Variants in DOCK4 observed in about 807,000 individuals in gnomAD.
The protein encoded by DOCK4 is dedicator of cytokinesis 4.
Under a neutral mutation model 268.1 loss-of-function variants are expected in DOCK4, and 97 were observed. The observed-to-expected ratio is 0.36, with a 90% CI of 0.31 to 0.43. The LOEUF (loss-of-function observed/expected upper bound fraction) is 0.43. Ranked by LOEUF, DOCK4 falls within the 20% of genes least tolerant of loss-of-function variation. The pLI is 1.00. For missense variants in DOCK4, 2,145 were observed against 2,455.7 expected (o/e 0.87, Z 2.67); for synonymous variants, 954 against 887.2 (o/e 1.08, Z -1.34).
intron 1 of DOCK4, among the ~76,000 whole-genome samples, chr7:112,027,691 G>A (rs1802925508): frequency 6.6e-6 from 1 of 152,192 alleles, no homozygotes; most frequent in Admixed American, 6.5e-5. Context: ...AAACTGGGCT[G>A]CATCAAAGAG....
chr7:111,930,815 C>T (rs1426005014), intron 12 of DOCK4, among the ~76,000 whole-genome samples: 2 of 152,222 alleles, frequency 1.3e-5, no homozygotes, highest in Non-Finnish European at 2.9e-5. Flanking sequence ...AACTTCCATT[C>T]CTCAACCAAG....
At chr7:111,738,628 A>G (rs1039277059) in intron 49 of DOCK4, among the ~76,000 whole-genome samples, 3 of 152,304 alleles carry the variant, frequency 2.0e-5, no homozygotes, top group Middle Eastern at 6.8e-3. Context: ...AGCAACTACC[A>G]TGTGTCCCTA....
intron 1 of DOCK4, among the ~76,000 whole-genome samples, chr7:112,072,548 A>G (rs547302755): frequency 1.3e-5 from 2 of 152,278 alleles, no homozygotes; most frequent in African/African-American, 4.8e-5. Context: ...CTATCATATG[A>G]CCCAGCAATC....
Position 111,822,093 on chromosome 7 carries a change from C to G in DOCK4, c.2930+269G>C, listed in dbSNP as rs1802026861. On this transcript the variant is annotated intron_variant, in intron 27 of 52. Transcript: ENST00000428084. ...GAACACTAGGAGGACATGTAAGAAA[C>G]AAATACAAGTGGTTATACAGCCTAG... 1.3e-5 allele frequency among the ~76,000 whole-genome samples: 2 copies of G among 152,076 alleles called. 1 individual carries two copies. Among genetic ancestry groups the G allele is most frequent in the South Asian group, 4.1e-4 (2 of 4,828 alleles).
At chr7:111,734,766 T>C (rs1237441105) in intron 51 of DOCK4, among the ~76,000 whole-genome samples, 1 of 152,188 alleles carries the variant, frequency 6.6e-6, no homozygotes, top group Non-Finnish European at 1.5e-5. Context: ...GAGAAGATGC[T>C]AGTGGCCTAC....
intron 1 of DOCK4, among the ~76,000 whole-genome samples, chr7:112,200,439 C>A (rs563528494): frequency 6.6e-6 from 1 of 152,164 alleles, no homozygotes; most frequent in African/African-American, 2.4e-5. Context: ...CATTCAACTT[C>A]AAAGGGTAGA....
chr7:111,826,856 C>A (rs1306028763), intron 26 of DOCK4, among the ~76,000 whole-genome samples: 1 of 152,114 alleles, frequency 6.6e-6, no homozygotes, highest in African/African-American at 2.4e-5. Flanking sequence ...AACAAACCTG[C>A]ACATGTACCA....
chr7:112,144,479 C>T (rs142624053), intron 1 of DOCK4, among the ~76,000 whole-genome samples: 1 of 152,124 alleles, frequency 6.6e-6, no homozygotes, highest in Non-Finnish European at 1.5e-5. Context: ...AAAGGCCACA[C>T]AAAAAATTGC....
At chr7:112,097,478 G>C (rs561177511) in intron 1 of DOCK4, among the ~76,000 whole-genome samples, 1 of 152,188 alleles carries the variant, frequency 6.6e-6, no homozygotes, top group Non-Finnish European at 1.5e-5. Flanking sequence ...AAGAGGCTGA[G>C]AGGCAGGAGG....
At chr7:112,153,493 A>G (rs1816296635) in intron 1 of DOCK4, among the ~76,000 whole-genome samples, 1 of 152,204 alleles carries the variant, frequency 6.6e-6, no homozygotes, top group East Asian at 1.9e-4. Context: ...TTAAAATTGG[A>G]CAAATATAAT....
intron 1 of DOCK4, among the ~76,000 whole-genome samples, chr7:112,184,363 A>C (rs1819308022): frequency 6.6e-6 from 1 of 152,138 alleles, no homozygotes. Context: ...TATGATCTGC[A>C]GGCACCTCTT....
chr7:112,134,682 C>G (rs1814151065), intron 1 of DOCK4, among the ~76,000 whole-genome samples: 1 of 152,170 alleles, frequency 6.6e-6, no homozygotes, highest in Admixed American at 6.5e-5. Flanking sequence ...CGCCACTGCA[C>G]TCCAGCCTGG....
At chr7:112,085,956 T>C (rs566978673) in intron 1 of DOCK4, among the ~76,000 whole-genome samples, 48 of 152,202 alleles carry the variant, frequency 3.2e-4, no homozygotes, top group South Asian at 8.3e-4. Context: ...CCTTGAAACA[T>C]TGTAATATGG....
intron 23 of DOCK4, among the ~76,000 whole-genome samples, chr7:111,855,357 G>A (rs186463025): frequency 2.6e-5 from 4 of 152,260 alleles, no homozygotes; most frequent in East Asian, 3.9e-4. Context: ...ACAGAGGCAC[G>A]TGAGGTTTCT....
At chr7:112,054,381 A>G (rs920695501) in intron 1 of DOCK4, among the ~76,000 whole-genome samples, 3 of 152,134 alleles carry the variant, frequency 2.0e-5, no homozygotes, top group African/African-American at 7.2e-5. Flanking sequence ...CTCTCCATGT[A>G]TCTTTACCAC....
At chr7:111,737,080 T>A in intron 49 of DOCK4, 91 bp from the exon 50 acceptor site, 1 of 1,161,176 alleles carries the variant, frequency 8.6e-7, no homozygotes, top group Non-Finnish European at 1.2e-6. Context: ...TCAGTAAAAC[T>A]TTTTGTTCAA....
At chr7:112,128,241 T>G (rs138049478) in intron 1 of DOCK4, among the ~76,000 whole-genome samples, 1,848 of 152,290 alleles carry the variant, frequency 0.012, 14 homozygotes, top group Non-Finnish European at 0.02. Context: ...CCTTAAAAAC[T>G]GATCCCTCTC....
rs144056846 is a variant in DOCK4, at chr7:112,044,352, A to G, written c.38-40221T>C. Among the ~76,000 whole-genome samples the G allele has an allele frequency of 3.9e-3, 586 of 152,092 alleles. 1 individual carries two copies. The highest frequency in any genetic ancestry group is 5.2e-3 in the Admixed American group (80 of 15,278). ...TCAAATGACACGAATTCTGCCAAAA[A>G]CCTGTGTCCTTGGGCACCTCATTCT... On this transcript the variant is annotated intron_variant, in intron 1 of 52. Coordinates refer to ENST00000428084, the MANE Select transcript of DOCK4 (RefSeq NM_001363540.2).
At chr7:111,742,188 G>A in intron 44 of DOCK4, 56 bp from the exon 45 acceptor site, 1 of 1,505,056 alleles carries the variant, frequency 6.6e-7, no homozygotes, top group Non-Finnish European at 8.9e-7. Context: ...CTCACTAAGT[G>A]CCTGCTATGG....
Sources: gnomAD v4.1 joint callset for allele counts (sites outside exome capture counted in the v4.1 genomes callset) on GRCh38, gnomAD v4.1.1 for gene constraint, MANE v1.5 for transcripts, NCBI Gene and HGNC (gene_info 2026-07-23, HGNC 2026-07-21) for gene names.